DNAAF5: variants seen among roughly 807,000 people sequenced by gnomAD.
DNAAF5 encodes HEAT repeat containing 2.
A neutral mutation model predicts 75.8 loss-of-function variants in DNAAF5; 64 were observed. The observed-to-expected ratio is 0.84, with a 90% CI of 0.69 to 1.04. The LOEUF (loss-of-function observed/expected upper bound fraction) is 1.04, where lower values mean the gene tolerates loss of function less well. DNAAF5 is among the 50% of genes least tolerant of loss of function. DNAAF5 has a pLI of 0.00. For synonymous variants in DNAAF5, 657 were observed against 557.2 expected (o/e 1.18, Z -2.52); for missense variants, 1,269 against 1,178.5 (o/e 1.08, Z -1.12).
At chr7:744,264 T>C (rs949357454) in intron 4 of DNAAF5, among the ~76,000 whole-genome samples, 2 of 152,014 alleles carry the variant, frequency 1.3e-5, no homozygotes, top group African/African-American at 4.8e-5. Flanking sequence ...ACAAAGGACA[T>C]GAACTCATCA....
intron 7 of DNAAF5, among the ~76,000 whole-genome samples, chr7:762,822 C>T (rs931806991): frequency 6.6e-5 from 10 of 152,126 alleles, no homozygotes; most frequent in African/African-American, 1.9e-4. Flanking sequence ...CCACGTTGGC[C>T]AGGTTGGTCT....
intron 4 of DNAAF5, among the ~76,000 whole-genome samples, chr7:743,484 G>C (rs1481853163): frequency 6.6e-6 from 1 of 152,010 alleles, no homozygotes; most frequent in African/African-American, 2.4e-5. Flanking sequence ...GTGAATCACA[G>C]GGTTGCTTTT....
chr7:743,490 C>A (rs959266629), intron 4 of DNAAF5, among the ~76,000 whole-genome samples: 30 of 152,050 alleles, frequency 2.0e-4, no homozygotes, highest in Admixed American at 9.8e-4. Flanking sequence ...CACAGGGTTG[C>A]TTTTCCTCCC....
intron 12 of DNAAF5, among the ~76,000 whole-genome samples, chr7:782,561 G>A (rs4721101): frequency 0.062 from 7,605 of 122,296 alleles, 432 homozygotes; most frequent in East Asian, 0.14. Context: ...CCCGTCACGC[G>A]GCGTCAGAAA....
chr7:745,723 CGT>C (rs898246183), intron 4 of DNAAF5, among the ~76,000 whole-genome samples: 10 of 152,228 alleles, frequency 6.6e-5, no homozygotes, highest in African/African-American at 2.2e-4. Context: ...ATCACACGTA[CGT>C]GTGTGTGCAC....
Position 763,856 on chromosome 7 carries a change from C to G in DNAAF5, c.1665C>G (p.Cys555Trp). 1 of 1,613,440 alleles carries G rather than the reference C, an allele frequency of 6.2e-7. No individual in the cohort carries two copies. Among genetic ancestry groups the G allele is most frequent in the East Asian group, 2.2e-5 (1 of 44,896 alleles). ...CCATGGTGGAGGGTGTCAGCAGCTG[C>G]CAGGACCTCTACCGCAAGCACATTG... ...SLAMVEGVSS[C>W]QDLYRKHIGP... is the part of the protein sequence containing the mutation. Residue 555 changes from cysteine to tryptophan, a missense_variant, in exon 8 of 13, where the codon TGC (cysteine) becomes TGG (tryptophan). Coordinates refer to ENST00000297440, the MANE Select transcript of DNAAF5 (RefSeq NM_017802.4).
At chr7:780,896 T>C (rs1178678028) in intron 12 of DNAAF5, among the ~76,000 whole-genome samples, 1 of 144,234 alleles carries the variant, frequency 6.9e-6, no homozygotes, top group Non-Finnish European at 1.5e-5. Context: ...TAATAAAATT[T>C]GTATTTTTAA....
intron 12 of DNAAF5, among the ~76,000 whole-genome samples, chr7:783,921 C>A (rs1357559895): frequency 2.0e-5 from 3 of 152,104 alleles, no homozygotes; most frequent in African/African-American, 7.2e-5. Flanking sequence ...CTCTCGCCTC[C>A]CCAGGACTGC....
chr7:781,930 C>T (rs925855646), intron 12 of DNAAF5, among the ~76,000 whole-genome samples: 5 of 152,258 alleles, frequency 3.3e-5, no homozygotes, highest in South Asian at 2.1e-4. Context: ...TCTCCCATCC[C>T]GTACCCGCGG....
chr7:769,294 TC>T (rs1778472699), intron 8 of DNAAF5: 1 of 685,518 alleles, frequency 1.5e-6, no homozygotes. Flanking sequence ...CCCAACCCAG[TC>T]CCCACCCTGA....
chr7:769,654 A>G (rs1472743880), intron 8 of DNAAF5, among the ~76,000 whole-genome samples: 2 of 152,252 alleles, frequency 1.3e-5, no homozygotes, highest in African/African-American at 2.4e-5. Flanking sequence ...TTTAAGAAAA[A>G]TGGAAGGTTG....
At chr7:765,745 G>A (rs1332635740) in intron 8 of DNAAF5, among the ~76,000 whole-genome samples, 1 of 152,282 alleles carries the variant, frequency 6.6e-6, no homozygotes, top group South Asian at 2.1e-4. Flanking sequence ...CTGTCACCCA[G>A]GCTGGAGTGC....
intron 2 of DNAAF5, among the ~76,000 whole-genome samples, chr7:740,465 G>A (rs1781868737): frequency 6.6e-6 from 1 of 152,236 alleles, no homozygotes. Context: ...TCATGCAGAA[G>A]ACTTTGAACA....
chr7:785,773 C>T lies in DNAAF5; in HGVS notation c.*120C>T. 1.8e-6 allele frequency: 2 copies of T among 1,139,704 alleles called. No homozygotes were observed. The highest frequency in any genetic ancestry group is 2.6e-5 in the East Asian group (1 of 38,862). The allele number at this position is 1,139,704 out of a possible 1,614,324, so 70.6% of individuals were successfully genotyped here. On this transcript the variant is annotated 3_prime_UTR_variant, in exon 13 of 13. Transcript: ENST00000297440. ...GTGAGACTGTGACAGCAAGAATGTA[C>T]TCCTCAGGACACCTGCCCACTCTTT...
At chr7:768,698 A>G (rs1399299713) in intron 8 of DNAAF5, 4 of 158,518 alleles carry the variant, frequency 2.5e-5, no homozygotes, top group Admixed American at 1.2e-4. Context: ...CATGCTGGGA[A>G]GGCAGACACG....
chr7:774,865 A>T (rs1219457019), intron 10 of DNAAF5, 141 bp from the exon 11 acceptor site: 23 of 724,428 alleles, frequency 3.2e-5, no homozygotes, highest in Non-Finnish European at 5.0e-5. Context: ...TCTAAATTTT[A>T]CAATGAAGAT....
At chr7:751,494 T>C (rs958585856) in intron 4 of DNAAF5, among the ~76,000 whole-genome samples, 3 of 151,844 alleles carry the variant, frequency 2.0e-5, no homozygotes, top group Non-Finnish European at 2.9e-5. Flanking sequence ...AGTGAGACCC[T>C]TTCTCTAAAA....
At chr7:759,169 T>G (rs1782571640) in intron 6 of DNAAF5, among the ~76,000 whole-genome samples, 1 of 152,196 alleles carries the variant, frequency 6.6e-6, no homozygotes, top group Non-Finnish European at 1.5e-5. Flanking sequence ...CTCCAGTAGC[T>G]ATGAGAACAG....
At position 763,886 on chromosome 7, in the gene DNAAF5, C is replaced by T. The variant is rs762687725; in HGVS notation, c.1695C>T (p.Pro565=). 1.2e-6 allele frequency: 2 copies of T among 1,613,156 alleles called. No individual in the cohort carries two copies. Among genetic ancestry groups the T allele is most frequent in the Admixed American group, 1.7e-5 (1 of 60,034 alleles). The change falls in exon 8 of 13, where the codon CCC becomes CCT. Residue 565 remains proline, a synonymous_variant. Transcript: ENST00000297440. ...ACCTCTACCGCAAGCACATTGGTCC[C>T]CTCCTGGAGCGGGTGACCGCGTCGC... ...CQDLYRKHIG[P]LLERVTASHL... is the part of the protein sequence containing the mutation.
Sources: allele counts gnomAD v4.1 joint callset (sites outside exome capture counted in the v4.1 genomes callset), GRCh38; gene constraint gnomAD v4.1.1; transcripts MANE v1.5; gene names NCBI Gene and HGNC (gene_info 2026-07-23, HGNC 2026-07-21).